The following MELK variants were observed in gnomAD, a reference collection of about 807,000 sequenced individuals.
MELK encodes pEg3 kinase.
MELK carries 81 observed loss-of-function variants against 85.0 expected under a neutral mutation model. That is an observed-to-expected ratio of 0.95 (90% CI 0.80 to 1.15). The LOEUF is 1.15. MELK is among the 50% of genes most tolerant of loss of function. The pLI is 0.00. For missense variants in MELK, 754 were observed against 777.5 expected (o/e 0.97, Z 0.36); for synonymous variants, 252 against 265.0 (o/e 0.95, Z 0.48).
intron 1 of MELK, among the ~76,000 whole-genome samples, chr9:36,573,993 G>C (rs1256473526): frequency 6.6e-6 from 1 of 152,164 alleles, no homozygotes; most frequent in Non-Finnish European, 1.5e-5. Flanking sequence ...TTTGTTAGTG[G>C]AATGAGGTGA....
intron 8 of MELK, among the ~76,000 whole-genome samples, chr9:36,610,166 T>G (rs1390196215): frequency 1.3e-5 from 2 of 152,102 alleles, no homozygotes; most frequent in Non-Finnish European, 2.9e-5. Context: ...TCTCTAACAA[T>G]TAGATGAGGA....
intron 13 of MELK, among the ~76,000 whole-genome samples, chr9:36,660,971 A>G (rs1376612640): frequency 6.6e-6 from 1 of 152,196 alleles, no homozygotes; most frequent in Non-Finnish European, 1.5e-5. Context: ...AGCCTGGGCA[A>G]CAAGAGCAAA....
At chr9:36,599,318 A>C in intron 6 of MELK, 76 bp from the exon 7 acceptor site, 1 of 980,560 alleles carries the variant, frequency 1.0e-6, no homozygotes, top group Non-Finnish European at 1.4e-6. Flanking sequence ...AAAAAAAAAA[A>C]AAAAAAGAAT....
intron 11 of MELK, among the ~76,000 whole-genome samples, chr9:36,645,738 G>A (rs563533095): frequency 1.3e-5 from 2 of 152,138 alleles, no homozygotes; most frequent in Non-Finnish European, 2.9e-5. Context: ...CGAGGCATGA[G>A]AATTTTTAGA....
rs1286311518 is a variant in MELK at position 36,597,230 on chromosome 9, G to A, written c.414G>A (p.Leu138=). ...TATCTTTGTTTTCCCAGGAAAATTT[G>A]CTGTTTGATGAATATCATAAATTAA... ...YAHRDLKPEN[L]LFDEYHKLKL... The change falls in exon 6 of 18, where the codon TTG becomes TTA. Residue 138 remains leucine (L), a synonymous_variant. Coordinates refer to ENST00000298048, the MANE Select transcript of MELK (RefSeq NM_014791.4). 1 of 1,613,122 alleles carries A rather than the reference G, an allele frequency of 6.2e-7. No homozygotes were observed. The highest frequency in any genetic ancestry group is 1.1e-5 in the South Asian group (1 of 91,050).
At chr9:36,609,958 A>C (rs1385713672) in intron 8 of MELK, among the ~76,000 whole-genome samples, 2 of 152,170 alleles carry the variant, frequency 1.3e-5, no homozygotes, top group African/African-American at 4.8e-5. Context: ...AATGAAATTA[A>C]TACAGGAGTT....
chr9:36,670,379 C>T (rs1054473978), intron 15 of MELK, among the ~76,000 whole-genome samples: 14 of 151,978 alleles, frequency 9.2e-5, no homozygotes, highest in African/African-American at 3.4e-4. Flanking sequence ...CCATATGTAA[C>T]GTAAACTTCT....
chr9:36,591,429 C>G (rs1396491389), intron 4 of MELK, among the ~76,000 whole-genome samples: 1 of 151,856 alleles, frequency 6.6e-6, no homozygotes, highest in Non-Finnish European at 1.5e-5. Flanking sequence ...AAAAACTTAG[C>G]CAGTTGTGGT....
chr9:36,654,905 T>G (rs1411715731), intron 12 of MELK, among the ~76,000 whole-genome samples: 1 of 152,218 alleles, frequency 6.6e-6, no homozygotes, highest in African/African-American at 2.4e-5. Flanking sequence ...ATGCAAATTA[T>G]TGAGACACGA....
At chr9:36,647,182 C>G (rs908931473) in intron 11 of MELK, among the ~76,000 whole-genome samples, 2 of 152,146 alleles carry the variant, frequency 1.3e-5, no homozygotes, top group Admixed American at 6.5e-5. Flanking sequence ...AAATCCTAGG[C>G]ATGTTTAGGA....
intron 3 of MELK, among the ~76,000 whole-genome samples, chr9:36,586,168 C>T (rs1441219240): frequency 1.3e-5 from 2 of 151,816 alleles, no homozygotes; most frequent in African/African-American, 2.4e-5. Flanking sequence ...AGGTGAAAGC[C>T]CTTCTCTACG....
intron 1 of MELK, among the ~76,000 whole-genome samples, chr9:36,575,578 C>G (rs540588693): frequency 6.6e-6 from 1 of 150,994 alleles, no homozygotes; most frequent in African/African-American, 2.4e-5. Flanking sequence ...TTGAGAGAAG[C>G]GGGTAGATAG....
At chr9:36,605,056 A>AT (rs1485686357) in intron 7 of MELK, among the ~76,000 whole-genome samples, 27 of 150,064 alleles carry the variant, frequency 1.8e-4, no homozygotes, top group East Asian at 1.8e-3. Flanking sequence ...CACCTGGCTA[A>AT]TTTTTTTATC....
intron 8 of MELK, among the ~76,000 whole-genome samples, chr9:36,615,307 A>C (rs1166871324): frequency 6.4e-5 from 5 of 78,202 alleles, no homozygotes; most frequent in Non-Finnish European, 9.4e-5. Flanking sequence ...TGATCCCCCC[A>C]CCTCCCTCCC....
chr9:36,603,835 C>T (rs1211011375), intron 7 of MELK, among the ~76,000 whole-genome samples: 2 of 152,170 alleles, frequency 1.3e-5, no homozygotes, highest in Non-Finnish European at 2.9e-5. Flanking sequence ...TTTCAGTTAA[C>T]TGAAAAATGC....
At chr9:36,672,890 T>G (rs1426381050) in intron 16 of MELK, among the ~76,000 whole-genome samples, 1 of 152,216 alleles carries the variant, frequency 6.6e-6, no homozygotes. Flanking sequence ...AAACTTTAAC[T>G]TTAGATCATT....
intron 13 of MELK, among the ~76,000 whole-genome samples, chr9:36,660,043 C>T (rs1167987220): frequency 1.3e-5 from 2 of 152,368 alleles, no homozygotes; most frequent in Middle Eastern, 3.4e-3. Flanking sequence ...AAGTGATCCA[C>T]CTGCCTCAGC....
At chr9:36,643,877 T>C (rs1829990052) in intron 11 of MELK, among the ~76,000 whole-genome samples, 1 of 146,660 alleles carries the variant, frequency 6.8e-6, no homozygotes, top group Non-Finnish European at 1.5e-5. Context: ...GAGTTTGCAG[T>C]GAGCCAAGAT....
At chr9:36,635,057 A>G (rs1199059392) in intron 10 of MELK, among the ~76,000 whole-genome samples, 1 of 151,646 alleles carries the variant, frequency 6.6e-6, no homozygotes, top group East Asian at 1.9e-4. Flanking sequence ...ACATTATGCT[A>G]CTTCCTATTT....
Sources: allele counts gnomAD v4.1 joint callset (sites outside exome capture counted in the v4.1 genomes callset), GRCh38; gene constraint gnomAD v4.1.1; transcripts MANE v1.5; gene names NCBI Gene and HGNC (gene_info 2026-07-23, HGNC 2026-07-21).